The following COG3 variants were observed in gnomAD, a reference collection of about 807,000 sequenced individuals.
COG3 encodes the protein conserved oligomeric Golgi complex subunit 3.
COG3 carries 32 observed loss-of-function variants against 114.1 expected under a neutral mutation model. The observed-to-expected ratio is 0.28, with a 90% CI of 0.21 to 0.38. COG3 has a LOEUF of 0.38. COG3 is among the 10% of genes least tolerant of loss of function. The pLI is 1.00. For synonymous variants in COG3, 352 were observed against 365.7 expected (o/e 0.96, Z 0.43); for missense variants, 813 against 973.2 (o/e 0.84, Z 2.19).
intron 17 of COG3, among the ~76,000 whole-genome samples, chr13:45,517,134 A>G (rs1871619270): frequency 6.6e-6 from 1 of 152,216 alleles, no homozygotes; most frequent in Admixed American, 6.5e-5. Flanking sequence ...ACTTTATCTT[A>G]AACATTTCTA....
At position 45,534,840 on chromosome 13, in the gene COG3, C is replaced by G; in HGVS notation, c.*109C>G. ...TCGTATGTGGGAACGTCCCCGAGAA[C>G]CACACGAGCGTGCTGCTCAGTGCTG... On this transcript the variant is annotated 3_prime_UTR_variant, in exon 23 of 23. Coordinates refer to ENST00000349995, the MANE Select transcript of COG3 (RefSeq NM_031431.4). 3.5e-6 allele frequency: 5 copies of G among 1,425,016 alleles called. No homozygotes were observed. The highest frequency in any genetic ancestry group is 4.6e-6 in the Non-Finnish European group (5 of 1,093,544). 88.3% of individuals were successfully genotyped at this position (1,425,016 alleles called of 1,614,324 possible). A position where few individuals can be genotyped will look rare whatever the true frequency, so the allele number is the denominator to read the frequency against.
At chr13:45,526,291 G>A (rs541153674) in intron 20 of COG3, among the ~76,000 whole-genome samples, 22 of 151,350 alleles carry the variant, frequency 1.5e-4, no homozygotes, top group Non-Finnish European at 3.1e-4. Flanking sequence ...TTACCATGTT[G>A]GCCAGGCTGG....
At chr13:45,479,692 G>A (rs764279452) in intron 3 of COG3, among the ~76,000 whole-genome samples, 6 of 152,196 alleles carry the variant, frequency 3.9e-5, no homozygotes, top group Non-Finnish European at 8.8e-5. Context: ...ATCTCATGCA[G>A]ACTGGGCAGA....
intron 12 of COG3, 87 bp from the exon 13 acceptor site, chr13:45,496,065 T>G (rs1470595472): frequency 7.2e-7 from 1 of 1,385,094 alleles, no homozygotes; most frequent in African/African-American, 1.4e-5. Flanking sequence ...TCATACTGTT[T>G]CTGAACAATT....
rs149344565 is a variant in COG3 at position 45,514,208 on chromosome 13, T to C, written c.1810-1935T>C. Among the ~76,000 whole-genome samples the C allele has an allele frequency of 1.8e-3, 234 of 127,778 alleles. 2 individuals are homozygous for C. The highest frequency in any genetic ancestry group is 6.6e-3 in the African/African-American group (225 of 34,170). The allele number at this position is 127,778 out of a possible 152,430, so 83.8% of individuals were successfully genotyped here. A position where few individuals can be genotyped will look rare whatever the true frequency, so the allele number is the denominator to read the frequency against. On this transcript the variant is annotated intron_variant, in intron 16 of 22. Transcript: ENST00000349995. The stretch of plus-strand genomic sequence containing the variant: ...CAGAGTCTCACTCTGTCACCCACGC[T>C]GGAGTGCAGTGGCGCTATCTCAGCT...
intron 9 of COG3, 74 bp downstream of exon 9, chr13:45,491,032 T>G (rs1464564878): frequency 1.0e-6 from 1 of 993,908 alleles, no homozygotes; most frequent in African/African-American, 1.6e-5. Flanking sequence ...AATCTGGATC[T>G]CTGATATTTT....
chr13:45,503,160 ATATATG>A, intron 13 of COG3, 78 bp from the exon 14 acceptor site: 1 of 615,994 alleles, frequency 1.6e-6, no homozygotes. Flanking sequence ...GAAAATATAT[ATATATG>A]TACTTTGTAT....
intron 1 of COG3, among the ~76,000 whole-genome samples, chr13:45,468,367 C>G (rs956663905): frequency 6.6e-6 from 1 of 152,140 alleles, no homozygotes; most frequent in Non-Finnish European, 1.5e-5. Flanking sequence ...CTTGTGCTTT[C>G]TTTCAAATTA....
In COG3 at chr13:45,464,976, A is replaced by T; in HGVS notation, c.-61A>T. On this transcript the variant is annotated 5_prime_UTR_variant, in exon 1 of 23. Transcript: ENST00000349995. ...GCTCCGGTTCTCCCGGAAGTGGCCC[A>T]GGTCTCTCTGTCGGGGTCCCCTCCA... 2 of 1,517,932 alleles carry T rather than the reference A, an allele frequency of 1.3e-6. No individual in the cohort carries two copies. Among genetic ancestry groups the T allele is most frequent in the Non-Finnish European group, 1.8e-6 (2 of 1,135,890 alleles). The allele number at this position is 1,517,932 out of a possible 1,614,324, so 94.0% of individuals were successfully genotyped here. A position where few individuals can be genotyped will look rare whatever the true frequency, so the allele number is the denominator to read the frequency against.
At chr13:45,465,405 A>C in intron 1 of COG3, 195 bp downstream of exon 1, 1 of 945,580 alleles carries the variant, frequency 1.1e-6, no homozygotes, top group Non-Finnish European at 1.5e-6. Flanking sequence ...CCCGACTCTA[A>C]TTCTGCCTGG....
rs138479934 is a variant in COG3 at position 45,493,054 on chromosome 13, A to G, written c.1188-293A>G. Among the ~76,000 whole-genome samples the G allele has an allele frequency of 9.2e-4, 140 of 152,336 alleles. 5 individuals are homozygous for G. The highest frequency in any genetic ancestry group is 3.3e-3 in the African/African-American group (136 of 41,588). On this transcript the variant is annotated intron_variant, in intron 11 of 22. Transcript: ENST00000349995. ...TACTTTTTATTGTTTTTGAAAGGAC[A>G]TATAGAAAATTATTGCTGAAATAGA...
intron 16 of COG3, among the ~76,000 whole-genome samples, chr13:45,513,097 A>G (rs1871054729): frequency 6.6e-6 from 1 of 150,794 alleles, no homozygotes; most frequent in South Asian, 2.1e-4. Context: ...AGCTGTTTCT[A>G]GCCAAAATTT....
chr13:45,517,717 C>A (rs1409492224), intron 17 of COG3, among the ~76,000 whole-genome samples: 2 of 152,172 alleles, frequency 1.3e-5, no homozygotes, highest in Non-Finnish European at 2.9e-5. Flanking sequence ...CATGCTCTTA[C>A]ACCTTGAAGA....
At chr13:45,487,396 T>A (rs932485939) in intron 8 of COG3, among the ~76,000 whole-genome samples, 2 of 152,208 alleles carry the variant, frequency 1.3e-5, no homozygotes, top group Non-Finnish European at 2.9e-5. Flanking sequence ...CAAATGGGAC[T>A]ATAATAATCT....
At chr13:45,479,990 T>C (rs1026593844) in intron 3 of COG3, 135 bp from the exon 4 acceptor site, 2 of 624,828 alleles carry the variant, frequency 3.2e-6, no homozygotes, top group African/African-American at 3.7e-5. Context: ...TTTCTTAACA[T>C]AATCAACTTA....
At chr13:45,476,993 C>T (rs997878160) in intron 2 of COG3, among the ~76,000 whole-genome samples, 10 of 152,218 alleles carry the variant, frequency 6.6e-5, no homozygotes, top group African/African-American at 2.2e-4. Flanking sequence ...AGTTCCTGAG[C>T]TAGGCTGACC....
At chr13:45,527,934 G>C (rs1283131416) in intron 20 of COG3, among the ~76,000 whole-genome samples, 1 of 152,144 alleles carries the variant, frequency 6.6e-6, no homozygotes, top group Admixed American at 6.5e-5. Context: ...TCTCGAGAGA[G>C]AGCTAGGAAA....
At chr13:45,510,627 T>G (rs1288069664) in intron 15 of COG3, among the ~76,000 whole-genome samples, 2 of 152,170 alleles carry the variant, frequency 1.3e-5, no homozygotes, top group Non-Finnish European at 2.9e-5. Flanking sequence ...CCTCTTAGGG[T>G]GCTTAACAGG....
intron 7 of COG3, among the ~76,000 whole-genome samples, 162 bp from the exon 8 acceptor site, chr13:45,486,332 CG>C (rs374009383): frequency 0.51 from 27,989 of 54,792 alleles, 5,092 homozygotes; most frequent in South Asian, 0.59. Context: ...AGACGGGAGA[CG>C]GGAGACGGGA....
Sources: gnomAD v4.1 joint callset for allele counts (sites outside exome capture counted in the v4.1 genomes callset) on GRCh38, gnomAD v4.1.1 for gene constraint, MANE v1.5 for transcripts, NCBI Gene and HGNC (gene_info 2026-07-23, HGNC 2026-07-21) for gene names.